Variants in DYSF observed in about 807,000 individuals in gnomAD.
DYSF encodes dysferlin.
In DYSF, 212 loss-of-function variants were observed where a neutral mutation model predicts 274.9. That is an observed-to-expected ratio of 0.77 (90% CI 0.69 to 0.86). The LOEUF (loss-of-function observed/expected upper bound fraction) is 0.86, where lower values mean the gene tolerates loss of function less well. DYSF is among the 40% of genes least tolerant of loss of function. The pLI, the probability that DYSF is intolerant of heterozygous loss-of-function variation, is 0.00. For missense variants in DYSF, 2,666 were observed against 2,783.2 expected (o/e 0.96, Z 0.95); for synonymous variants, 1,091 against 1,078.7 (o/e 1.01, Z -0.22).
chr2:71,520,913 A>C lies in DYSF; in HGVS notation c.1149+9A>C. 3 of 1,613,650 alleles carry C rather than the reference A, an allele frequency of 1.9e-6. No homozygotes were observed. Among genetic ancestry groups the C allele is most frequent in the Middle Eastern group, 1.7e-4 (1 of 6,040 alleles). ...CTGGGGACGAAGCGCCTGTGAGTAC[A>C]TTTCCCTGGGTCTTCCTTACGGTCC... On this transcript the variant is annotated intron_variant, in intron 12 of 55. Transcript: ENST00000410020.
At chr2:71,538,477 C>T (rs186560727) in intron 16 of DYSF, among the ~76,000 whole-genome samples, 112 of 152,264 alleles carry the variant, frequency 7.4e-4, no homozygotes, top group Admixed American at 1.2e-3. Context: ...CCAGGGCTTC[C>T]GGCCTGGGCT....
At chr2:71,537,917 C>T (rs1375766773) in intron 16 of DYSF, among the ~76,000 whole-genome samples, 3 of 152,144 alleles carry the variant, frequency 2.0e-5, no homozygotes, top group Admixed American at 6.5e-5. Context: ...GGGTCCTGCC[C>T]AGCCCAGTGT....
intron 54 of DYSF, 36 bp downstream of exon 54, chr2:71,681,146 G>A (rs200927392): frequency 6.3e-7 from 1 of 1,586,344 alleles, no homozygotes; most frequent in Non-Finnish European, 8.6e-7. Flanking sequence ...ATGCCCACAG[G>A]TCTGGGGGTA....
rs765167960 is a variant in DYSF, at chr2:71,520,166, C to T, written c.1003-12C>T. On this transcript the variant is annotated splice_polypyrimidine_tract_variant and intron_variant, in intron 10 of 55. Transcript: ENST00000410020. Reference sequence around the variant, plus strand: ...CAAGAGTTTGATTTGTGTCTCCTCTCATTGATTGCAGATGGACGTGGGCAC... The same window carrying T: ...CAAGAGTTTGATTTGTGTCTCCTCTTATTGATTGCAGATGGACGTGGGCAC... 8 of 1,614,170 alleles carry T rather than the reference C, an allele frequency of 5.0e-6. No homozygotes were observed. The highest frequency in any genetic ancestry group is 1.1e-5 in the South Asian group (1 of 91,080).
chr2:71,525,515 C>T (rs1158446971), intron 12 of DYSF, among the ~76,000 whole-genome samples: 3 of 152,170 alleles, frequency 2.0e-5, no homozygotes, highest in Admixed American at 6.5e-5. Flanking sequence ...CGAGCCACGG[C>T]GCCCAGGCTT....
At chr2:71,507,271 T>C (rs2085580625) in intron 4 of DYSF, among the ~76,000 whole-genome samples, 1 of 152,158 alleles carries the variant, frequency 6.6e-6, no homozygotes, top group Admixed American at 6.5e-5. Context: ...GGGGACCTGT[T>C]TCCAAGGTCA....
chr2:71,525,433 G>A (rs549794723), intron 12 of DYSF, among the ~76,000 whole-genome samples: 4 of 152,050 alleles, frequency 2.6e-5, no homozygotes, highest in Non-Finnish European at 1.5e-5. Context: ...CCATGTTAGC[G>A]AGCTGGTCTT....
intron 52 of DYSF, among the ~76,000 whole-genome samples, chr2:71,677,158 A>G: frequency 6.6e-6 from 1 of 152,206 alleles, no homozygotes; most frequent in East Asian, 1.9e-4. Flanking sequence ...TGGTAGCTAT[A>G]GAGGAATGTG....
intron 4 of DYSF, among the ~76,000 whole-genome samples, chr2:71,506,602 G>C (rs1438832249): frequency 6.6e-6 from 1 of 152,060 alleles, no homozygotes; most frequent in African/African-American, 2.4e-5. Flanking sequence ...GGAGAGCACA[G>C]GGCTCACATA....
At chr2:71,527,341 A>T (rs1217913997) in intron 13 of DYSF, among the ~76,000 whole-genome samples, 1 of 152,198 alleles carries the variant, frequency 6.6e-6, no homozygotes, top group Non-Finnish European at 1.5e-5. Flanking sequence ...ACTATTTGAG[A>T]GTTTCTGCTT....
chr2:71,540,391 G>A (rs967151050), intron 17 of DYSF, among the ~76,000 whole-genome samples: 1 of 152,042 alleles, frequency 6.6e-6, no homozygotes, highest in African/African-American at 2.4e-5. Context: ...TTACAGGCAT[G>A]AGTCACTGCA....
At position 71,569,742 on chromosome 2, in the gene DYSF, G is replaced by A. The variant is rs2092316878; in HGVS notation, c.2865-78G>A. The A allele has an allele frequency of 3.2e-6, 4 of 1,251,642 alleles. No individual in the cohort carries two copies. The Admixed American group carries it at 5.6e-5, about 18-fold the overall frequency. 77.5% of individuals were successfully genotyped at this position (1,251,642 alleles called of 1,614,324 possible). A position where few individuals can be genotyped will look rare whatever the true frequency, so the allele number is the denominator to read the frequency against. On this transcript the variant is annotated intron_variant, in intron 26 of 55. Transcript: ENST00000410020. Reference sequence around the variant, plus strand: ...TGGGGTGAGGCTGACATACGCAGGGGTGCTCTCCAGGAGGTGGTAGATGGA... The same window carrying A: ...TGGGGTGAGGCTGACATACGCAGGGATGCTCTCCAGGAGGTGGTAGATGGA...
At chr2:71,663,695 C>T (rs147883978) in intron 45 of DYSF, among the ~76,000 whole-genome samples, 1 of 152,344 alleles carries the variant, frequency 6.6e-6, no homozygotes, top group African/African-American at 2.4e-5. Context: ...AGCAAGAGCT[C>T]TCGCCAGAGA....
intron 52 of DYSF, 104 bp downstream of exon 52, chr2:71,674,400 G>T: frequency 9.0e-7 from 1 of 1,111,402 alleles, no homozygotes; most frequent in Non-Finnish European, 1.4e-6. Flanking sequence ...CTAGCAGGAG[G>T]AGTGATCCCA....
At chr2:71,527,064 C>T (rs1277292395) in intron 13 of DYSF, among the ~76,000 whole-genome samples, 1 of 152,222 alleles carries the variant, frequency 6.6e-6, no homozygotes, top group African/African-American at 2.4e-5. Context: ...CTCTGGTTAT[C>T]AACCTGGGCT....
chr2:71,668,765 G>A lies in DYSF; in HGVS notation c.5469G>A (p.Gln1823=). The A allele has an allele frequency of 1.2e-6, 2 of 1,613,788 alleles. No homozygotes were observed. The highest frequency in any genetic ancestry group is 1.7e-6 in the Non-Finnish European group (2 of 1,179,974). Reference sequence around the variant, plus strand: ...CCCTGTCTCCGCAGGGGAAGCTGCAGATGTGGGTCGACCTATTTCCGAAGG... The same window carrying A: ...CCCTGTCTCCGCAGGGGAAGCTGCAAATGTGGGTCGACCTATTTCCGAAGG... ...LQPDIEQGKL[Q]MWVDLFPKAL... is the part of the protein sequence containing the mutation. The change falls in exon 49 of 56, where the codon CAG becomes CAA. Residue 1823 remains glutamine, a synonymous_variant. Coordinates refer to ENST00000410020, the MANE Select transcript of DYSF (RefSeq NM_001130987.2).
chr2:71,479,403 C>T (rs1262263459), intron 1 of DYSF, among the ~76,000 whole-genome samples: 2 of 151,930 alleles, frequency 1.3e-5, no homozygotes, highest in Non-Finnish European at 2.9e-5. Flanking sequence ...CCTGACCTGT[C>T]GGTCCACATG....
intron 17 of DYSF, 112 bp from the exon 18 acceptor site, chr2:71,550,929 C>A: frequency 1.2e-6 from 1 of 836,658 alleles, no homozygotes; most frequent in South Asian, 1.4e-5. Context: ...GCATCTGGTG[C>A]ATGTGGGGGG....
chr2:71,521,324 C>T (rs1027964078), intron 12 of DYSF, among the ~76,000 whole-genome samples: 2 of 152,122 alleles, frequency 1.3e-5, no homozygotes, highest in African/African-American at 4.8e-5. Context: ...ATGTTGAGAG[C>T]AGGAGAGGTA....
Sources: allele counts gnomAD v4.1 joint callset (sites outside exome capture counted in the v4.1 genomes callset), GRCh38; gene constraint gnomAD v4.1.1; transcripts MANE v1.5; gene names NCBI Gene and HGNC (gene_info 2026-07-23, HGNC 2026-07-21).